Variants in EFR3B observed in about 807,000 individuals in gnomAD.
EFR3B encodes the protein protein EFR3 homolog B.
Under a neutral mutation model 104.7 loss-of-function variants are expected in EFR3B, and 64 were observed. That is an observed-to-expected ratio of 0.61 (90% CI 0.50 to 0.75). The LOEUF is 0.75. Ranked by LOEUF, EFR3B falls within the 30% of genes least tolerant of loss-of-function variation. EFR3B has a pLI of 0.00. For synonymous variants in EFR3B, 385 were observed against 417.9 expected, an observed-to-expected ratio of 0.92 and a Z score of 0.96; for missense variants, 750 against 1,078.5, an observed-to-expected ratio of 0.70 and a Z score of 4.27.
At chr2:25,085,403 A>G (rs1472806339) in intron 1 of EFR3B, among the ~76,000 whole-genome samples, 1 of 152,118 alleles carries the variant, frequency 6.6e-6, no homozygotes. Context: ...TTTCCCACCT[A>G]TTTTTAAAGT....
chr2:25,081,386 T>A, intron 1 of EFR3B: 1 of 1,080,616 alleles, frequency 9.3e-7, no homozygotes, highest in South Asian at 1.4e-5. Context: ...TAGTTACAGT[T>A]TATCCTGCAC....
rs1327300057 is a variant in EFR3B, at chr2:25,103,653, A to G, written c.229A>G (p.Met77Val). Residue 77 changes from methionine to valine, a missense_variant, in exon 4 of 23, where the codon ATG becomes GTG. Coordinates refer to ENST00000403714, the MANE Select transcript of EFR3B (RefSeq NM_014971.2). ...RHRYGYVCIA[M>V]EALDQLLMAC... ...CCTCCCCAGGTACGTGTGCATTGCTATGGAGGCTTTGGACCAGCTGCTCAT... is the reference window on the plus strand; with the variant it reads ...CCTCCCCAGGTACGTGTGCATTGCTGTGGAGGCTTTGGACCAGCTGCTCAT... 1.3e-6 allele frequency: 2 copies of G among 1,551,292 alleles called. No homozygotes were observed. The highest frequency in any genetic ancestry group is 8.7e-7 in the Non-Finnish European group (1 of 1,146,696).
chr2:25,079,639 CAG>C (rs1668734339), intron 1 of EFR3B, among the ~76,000 whole-genome samples: 2 of 152,072 alleles, frequency 1.3e-5, no homozygotes, highest in Non-Finnish European at 2.9e-5. Context: ...CAATAATAAA[CAG>C]ACATATTGCA....
At chr2:25,073,945 G>A (rs1285989948) in intron 1 of EFR3B, among the ~76,000 whole-genome samples, 1 of 152,084 alleles carries the variant, frequency 6.6e-6, no homozygotes, top group Non-Finnish European at 1.5e-5. Context: ...AGAAACATCA[G>A]TATACCCAAG....
chr2:25,051,633 G>GTT (rs1239087428), intron 1 of EFR3B, among the ~76,000 whole-genome samples: 4 of 98,666 alleles, frequency 4.1e-5, no homozygotes, highest in Non-Finnish European at 6.6e-5. Flanking sequence ...TTGTGTGTGT[G>GTT]TGTGTTTTTT....
At chr2:25,087,706 C>T (rs1055853533) in intron 1 of EFR3B, among the ~76,000 whole-genome samples, 1 of 152,144 alleles carries the variant, frequency 6.6e-6, no homozygotes. Flanking sequence ...CTCCTGACCT[C>T]GAGTGATCCA....
intron 1 of EFR3B, among the ~76,000 whole-genome samples, chr2:25,044,600 C>A (rs1465451682): frequency 6.6e-6 from 1 of 152,172 alleles, no homozygotes; most frequent in African/African-American, 2.4e-5. Flanking sequence ...ACCTCCTGAC[C>A]TCCCCTGTGT....
At chr2:25,058,591 T>C (rs993426053) in intron 1 of EFR3B, among the ~76,000 whole-genome samples, 1 of 152,120 alleles carries the variant, frequency 6.6e-6, no homozygotes. Context: ...AAACCTCGTC[T>C]CTTCTAAAAA....
chr2:25,067,152 TATTTA>T (rs1029831926), intron 1 of EFR3B, among the ~76,000 whole-genome samples: 5 of 152,180 alleles, frequency 3.3e-5, no homozygotes, highest in African/African-American at 7.2e-5. Context: ...TTTTAAATTT[TATTTA>T]ATTTAAGTAG....
intron 12 of EFR3B, among the ~76,000 whole-genome samples, chr2:25,134,079 C>T (rs1670454013): frequency 6.6e-6 from 1 of 152,212 alleles, no homozygotes; most frequent in East Asian, 1.9e-4. Flanking sequence ...CTCACAACCA[C>T]CTCTCCCCAC....
chr2:25,077,568 C>T (rs531823213), intron 1 of EFR3B, among the ~76,000 whole-genome samples: 10 of 152,284 alleles, frequency 6.6e-5, no homozygotes, highest in East Asian at 3.9e-4. Flanking sequence ...GGATTACAGG[C>T]GTGAGCCACC....
intron 1 of EFR3B, among the ~76,000 whole-genome samples, chr2:25,090,742 CT>C (rs2149184324): frequency 6.6e-6 from 1 of 152,264 alleles, no homozygotes; most frequent in South Asian, 2.1e-4. Context: ...TTGCACATAA[CT>C]TTCTATAATG....
chr2:25,146,146 T>C (rs1289986078), intron 19 of EFR3B: 5 of 149,578 alleles, frequency 3.3e-5, no homozygotes, highest in African/African-American at 1.2e-4. Context: ...AGGACACACA[T>C]CTGGGTGGGA....
intron 1 of EFR3B, among the ~76,000 whole-genome samples, chr2:25,049,162 G>A (rs573711438): frequency 1.6e-4 from 25 of 152,282 alleles, no homozygotes; most frequent in African/African-American, 5.3e-4. Flanking sequence ...ACTCTCGAGA[G>A]CGTTCAATAT....
At chr2:25,127,655 G>A (rs1312681997) in intron 5 of EFR3B, among the ~76,000 whole-genome samples, 2 of 152,156 alleles carry the variant, frequency 1.3e-5, no homozygotes, top group Non-Finnish European at 2.9e-5. Flanking sequence ...ACATAGCAGG[G>A]ACTGGGGGTG....
chr2:25,122,327 T>C (rs1331849868), intron 5 of EFR3B, among the ~76,000 whole-genome samples: 5 of 152,102 alleles, frequency 3.3e-5, no homozygotes, highest in African/African-American at 1.2e-4. Flanking sequence ...CAATGTAAGA[T>C]AACAGTCCTT....
chr2:25,128,142 C>A (rs897747577), intron 5 of EFR3B, 41 bp from the exon 6 acceptor site: 1 of 1,550,010 alleles, frequency 6.5e-7, no homozygotes. Context: ...CTTCTCAGGG[C>A]TAGAGGACTT....
At chr2:25,148,848 G>C (rs1435085974) in intron 19 of EFR3B, among the ~76,000 whole-genome samples, 1 of 145,060 alleles carries the variant, frequency 6.9e-6, no homozygotes, top group Non-Finnish European at 1.5e-5. Context: ...CGTGAACCCG[G>C]GAGGCGGAGC....
At chr2:25,063,128 C>T (rs1418746635) in intron 1 of EFR3B, among the ~76,000 whole-genome samples, 8 of 135,322 alleles carry the variant, frequency 5.9e-5, no homozygotes, top group African/African-American at 2.2e-4. Context: ...TTAGTAGAGA[C>T]GGGGTTTCAC....
Sources: allele counts gnomAD v4.1 joint callset (sites outside exome capture counted in the v4.1 genomes callset), GRCh38; gene constraint gnomAD v4.1.1; transcripts MANE v1.5; gene names NCBI Gene and HGNC (gene_info 2026-07-23, HGNC 2026-07-21).